Variants in AFF1 observed in about 807,000 individuals in gnomAD.
The protein encoded by AFF1 is AF4/FMR2 family member 1.
A neutral mutation model predicts 121.7 loss-of-function variants in AFF1; 48 were observed. That is an observed-to-expected ratio of 0.39 (90% CI 0.31 to 0.50). AFF1 has a LOEUF of 0.50. AFF1 is among the 20% of genes least tolerant of loss of function. The pLI is 0.76. For missense variants in AFF1, 1,523 were observed against 1,511.7 expected, an observed-to-expected ratio of 1.01 and a Z score of -0.12; for synonymous variants, 613 against 563.0, an observed-to-expected ratio of 1.09 and a Z score of -1.26.
At chr4:87,107,093 A>AT (rs1553933029) in intron 10 of AFF1, among the ~76,000 whole-genome samples, 3 of 151,928 alleles carry the variant, frequency 2.0e-5, no homozygotes, top group Non-Finnish European at 4.4e-5. Context: ...TTCAGCTGCC[A>AT]TGGAGACAGG....
At chr4:86,989,980 A>G (rs1047214759) in intron 2 of AFF1, among the ~76,000 whole-genome samples, 2 of 152,120 alleles carry the variant, frequency 1.3e-5, no homozygotes, top group African/African-American at 4.8e-5. Flanking sequence ...GAACAGTGAG[A>G]ACACATGGAC....
intron 2 of AFF1, among the ~76,000 whole-genome samples, chr4:86,986,064 T>TTAATG (rs1724246984): frequency 6.6e-6 from 1 of 150,848 alleles, no homozygotes; most frequent in African/African-American, 2.5e-5. Flanking sequence ...TTAATTTAAT[T>TTAATG]TAATTTAATT....
chr4:87,010,467 G>C (rs1169480079), intron 2 of AFF1, among the ~76,000 whole-genome samples: 1 of 152,114 alleles, frequency 6.6e-6, no homozygotes, highest in Non-Finnish European at 1.5e-5. Context: ...ATACTTCCTT[G>C]TGGAAATTGC....
chr4:87,068,202 G>T (rs1016325947), intron 4 of AFF1, among the ~76,000 whole-genome samples: 5 of 150,050 alleles, frequency 3.3e-5, no homozygotes, highest in Non-Finnish European at 5.9e-5. Flanking sequence ...ATGTGTGCAC[G>T]TGTGTATTGT....
At chr4:87,002,090 TTTC>T (rs1400244502) in intron 2 of AFF1, among the ~76,000 whole-genome samples, 2 of 151,370 alleles carry the variant, frequency 1.3e-5, no homozygotes, top group Non-Finnish European at 2.9e-5. Flanking sequence ...GTTTAAATTT[TTTC>T]TTTTCTTTTC....
At chr4:86,994,089 TA>T (rs1341690585) in intron 2 of AFF1, among the ~76,000 whole-genome samples, 2 of 152,078 alleles carry the variant, frequency 1.3e-5, no homozygotes, top group Non-Finnish European at 2.9e-5. Context: ...AGCCTTACTT[TA>T]AGTAACAAGG....
chr4:86,942,676 G>A (rs959760545), intron 1 of AFF1, among the ~76,000 whole-genome samples: 3 of 152,126 alleles, frequency 2.0e-5, no homozygotes, highest in Non-Finnish European at 4.4e-5. Flanking sequence ...CTGGTTTTTT[G>A]ATGGTAAAGA....
intron 4 of AFF1, among the ~76,000 whole-genome samples, chr4:87,065,535 A>G (rs1721265383): frequency 6.6e-6 from 1 of 151,720 alleles, no homozygotes; most frequent in South Asian, 2.1e-4. Flanking sequence ...TGAGTTGATC[A>G]TAAACTGATC....
chr4:87,111,012 A>ATTTTTTTTTTTT (rs1281817683), intron 11 of AFF1, among the ~76,000 whole-genome samples: 1 of 29,278 alleles, frequency 3.4e-5, no homozygotes, highest in African/African-American at 8.9e-5. Context: ...TTTTTTTTTT[A>ATTTTTTTTTTTT]TTTTTTTTTT....
chr4:87,008,969 AATTAAG>A (rs1309516514), intron 2 of AFF1, among the ~76,000 whole-genome samples: 3 of 145,616 alleles, frequency 2.1e-5, no homozygotes, highest in African/African-American at 2.5e-5. Context: ...CATGGCAGAA[AATTAAG>A]ATTAAGATAC....
At position 86,983,711 on chromosome 4, in the gene AFF1, A is replaced by G. The variant is rs576627832; in HGVS notation, c.38+35140A>G. ...GTGACAGAGCAAGACTCTGTCTCAA[A>G]TGAAAAACCAAAAAAAAAAACAAAA... On this transcript the variant is annotated intron_variant, in intron 2 of 20. Coordinates refer to ENST00000395146, the MANE Select transcript of AFF1 (RefSeq NM_001166693.3). 3.2e-3 allele frequency among the ~76,000 whole-genome samples: 472 copies of G among 147,152 alleles called. 3 individuals are homozygous for G. Among genetic ancestry groups the G allele is most frequent in the Non-Finnish European group, 5.3e-3 (354 of 67,242 alleles).
intron 1 of AFF1, among the ~76,000 whole-genome samples, chr4:86,943,615 G>A (rs1427953621): frequency 6.6e-6 from 1 of 152,126 alleles, no homozygotes; most frequent in Non-Finnish European, 1.5e-5. Context: ...TGTGATACCA[G>A]CATTTTCGGG....
At position 87,135,655 on chromosome 4, in the gene AFF1, C is replaced by T. The variant is rs1045070623; in HGVS notation, c.3611C>T (p.Thr1204Ile). 6 of 1,612,866 alleles carry T rather than the reference C, an allele frequency of 3.7e-6. No individual in the cohort carries two copies. The African/African-American group carries it at 8.0e-5, about 22-fold the overall frequency. ...AGTTTGGTGGACCTGGTGCACTATA[C>T]ACGACAGGGTTTTCAGCAGCTACAA... ...NSSLVDLVHY[T>I]RQGFQQLQEL... Residue 1204 changes from threonine (T) to isoleucine (I), a missense_variant, in exon 21 of 21, where the codon ACA becomes ATA. Around this residue, in one of 5 missense-constraint regions of AFF1, gnomAD observed 241 missense variants for 265.2 expected, o/e 0.91. Transcript: ENST00000395146.
At chr4:86,938,443 C>A (rs1377047424) in intron 1 of AFF1, among the ~76,000 whole-genome samples, 4 of 130,834 alleles carry the variant, frequency 3.1e-5, no homozygotes, top group Non-Finnish European at 4.8e-5. Flanking sequence ...GAGCAAGACT[C>A]CGTCTCAAAA....
intron 2 of AFF1, among the ~76,000 whole-genome samples, chr4:86,996,780 T>C (rs1725247686): frequency 6.6e-6 from 1 of 152,184 alleles, no homozygotes; most frequent in South Asian, 2.1e-4. Flanking sequence ...TTAAACCCGA[T>C]GTGGCAGTAT....
chr4:87,042,130 T>C (rs1730227234), intron 2 of AFF1, among the ~76,000 whole-genome samples: 1 of 152,214 alleles, frequency 6.6e-6, no homozygotes, highest in South Asian at 2.1e-4. Context: ...ACACCTTGGT[T>C]TAAACAGTGA....
At chr4:87,002,721 T>C (rs941259694) in intron 2 of AFF1, among the ~76,000 whole-genome samples, 37 of 152,140 alleles carry the variant, frequency 2.4e-4, no homozygotes, top group African/African-American at 8.2e-4. Context: ...GCAATAAAGA[T>C]TAACGGGCGA....
chr4:87,116,035 G>A lies in AFF1; in HGVS notation c.2466+736G>A, dbSNP rs114530965. 5.8e-3 allele frequency among the ~76,000 whole-genome samples: 889 copies of A among 152,048 alleles called. 7 individuals are homozygous for A. Among genetic ancestry groups the A allele is most frequent in the African/African-American group, 0.02 (842 of 41,454 alleles). ...TCATATTCTGAATTATTAAAAGAAC[G>A]GCTCTATACAAATTTTACTCTCATA... On this transcript the variant is annotated intron_variant, in intron 12 of 20. Coordinates refer to ENST00000395146, the MANE Select transcript of AFF1 (RefSeq NM_001166693.3).
chr4:87,012,645 A>T (rs1426966375), intron 2 of AFF1, among the ~76,000 whole-genome samples: 1 of 152,214 alleles, frequency 6.6e-6, no homozygotes, highest in African/African-American at 2.4e-5. Context: ...TCATTTGCTC[A>T]TTTGCTCAAA....
Sources: gnomAD v4.1 joint callset for allele counts (sites outside exome capture counted in the v4.1 genomes callset) on GRCh38, gnomAD v4.1.1 for gene constraint, gnomAD v4.1.1 regional missense constraint, MANE v1.5 for transcripts, NCBI Gene and HGNC (gene_info 2026-07-23, HGNC 2026-07-21) for gene names.